RIPK2: variants seen among roughly 807,000 people sequenced by gnomAD.
RIPK2 encodes receptor-interacting serine/threonine-protein kinase 2.
A neutral mutation model predicts 60.9 loss-of-function variants in RIPK2; 38 were observed. The ratio of observed to expected loss-of-function variants is 0.62; its 90% CI spans 0.48 to 0.82. RIPK2 has a LOEUF of 0.82. Among genes scored for constraint, RIPK2 ranks in the 40% least tolerant of loss-of-function variants. RIPK2 has a pLI of 0.00. For missense variants in RIPK2, 518 were observed against 647.0 expected (o/e 0.80, Z 2.16); for synonymous variants, 225 against 223.4 (o/e 1.01, Z -0.06).
chr8:89,785,233 G>T (rs1586133861), intron 8 of RIPK2, among the ~76,000 whole-genome samples: 1 of 152,280 alleles, frequency 6.6e-6, no homozygotes, highest in South Asian at 2.1e-4. Flanking sequence ...CCAGAACTTT[G>T]GGAGGCCAAG....
Position 89,789,367 on chromosome 8 carries a change from A to G in RIPK2, c.1170A>G (p.Gly390=). 1 of 1,614,098 alleles carries G rather than the reference A, an allele frequency of 6.2e-7. No individual in the cohort carries two copies. Among genetic ancestry groups the G allele is most frequent in the Non-Finnish European group, 8.5e-7 (1 of 1,179,962 alleles). The change falls in exon 10 of 11, where the codon GGA becomes GGG. Residue 390 remains glycine (G), a synonymous_variant. Transcript: ENST00000220751. The part of the protein sequence containing the change: ...CYFMKLHHCP[G]NHSWDSTISG... ...TTATGAAGCTGCATCACTGTCCTGGAAATCACAGTTGGGATAGCACCATTT... is the reference window on the plus strand; with the variant it reads ...TTATGAAGCTGCATCACTGTCCTGGGAATCACAGTTGGGATAGCACCATTT...
At chr8:89,762,741 A>T in intron 1 of RIPK2, 88 bp from the exon 2 acceptor site, 1 of 668,068 alleles carries the variant, frequency 1.5e-6, no homozygotes, top group Non-Finnish European at 2.3e-6. Flanking sequence ...ATAGCTAATT[A>T]ATGAAAAAAA....
In RIPK2 at chr8:89,780,278, G is replaced by A. The variant is rs376309275; in HGVS notation, c.939+118G>A. On this transcript the variant is annotated intron_variant, in intron 7 of 10. Transcript: ENST00000220751. Reference sequence around the variant, plus strand: ...ATACTTTACACAGATATAAGCTACAGTTTTGGAGTGAGAAAATTTACCAGA... The same window carrying A: ...ATACTTTACACAGATATAAGCTACAATTTTGGAGTGAGAAAATTTACCAGA... The A allele has an allele frequency of 2.9e-4, 141 of 492,674 alleles. 1 individual carries two copies. The highest frequency in any genetic ancestry group is 2.4e-3 in the African/African-American group (118 of 49,108). The allele number at this position is 492,674 out of a possible 1,614,324, so 30.5% of individuals were successfully genotyped here. A position where few individuals can be genotyped will look rare whatever the true frequency, so the allele number is the denominator to read the frequency against.
In RIPK2 at chr8:89,790,282, C is replaced by G. The variant is rs776564323; in HGVS notation, c.1489C>G (p.Gln497Glu). ...ACAATTACTAGACACTACTGACATC[C>G]AAGGAGAAGAATTTGCCAAAGTTAT... is the stretch of plus-strand genomic sequence containing the variant. ...VRQLLDTTDIQGEEFAKVIVQ... is the reference protein window; with the variant it reads ...VRQLLDTTDIEGEEFAKVIVQ... The change falls in exon 11 of 11, where the codon CAA (glutamine) becomes GAA (glutamate). Residue 497 changes from glutamine (Q) to glutamate (E), a missense_variant. Physicochemically the swap from Gln to Glu is conservative, Grantham distance 29. Coordinates refer to ENST00000220751, the MANE Select transcript of RIPK2 (RefSeq NM_003821.6). 1.9e-6 allele frequency: 3 copies of G among 1,614,004 alleles called. No individual in the cohort carries two copies. The highest frequency in any genetic ancestry group is 1.1e-5 in the South Asian group (1 of 91,080).
At chr8:89,766,048 A>C (rs1453949731) in intron 3 of RIPK2, among the ~76,000 whole-genome samples, 1 of 151,794 alleles carries the variant, frequency 6.6e-6, no homozygotes, top group African/African-American at 2.4e-5. Flanking sequence ...TCTGCTTTCC[A>C]TCTCTTTAAT....
chr8:89,778,435 T>C (rs1222551516), intron 6 of RIPK2, among the ~76,000 whole-genome samples: 11 of 152,202 alleles, frequency 7.2e-5, no homozygotes, highest in Admixed American at 7.2e-4. Flanking sequence ...CATCACCCCC[T>C]ACAAAATCCC....
chr8:89,789,714 C>T (rs1809644128), intron 10 of RIPK2, among the ~76,000 whole-genome samples: 1 of 152,124 alleles, frequency 6.6e-6, no homozygotes, highest in Admixed American at 6.5e-5. Flanking sequence ...TAACATATTA[C>T]TAATGGTAAA....
intron 3 of RIPK2, among the ~76,000 whole-genome samples, chr8:89,765,808 A>C (rs997347562): frequency 6.6e-6 from 1 of 151,736 alleles, no homozygotes; most frequent in Admixed American, 6.6e-5. Flanking sequence ...GGAAGTTGCA[A>C]AGGTAATAAA....
rs1809660507 is a variant in RIPK2 at position 89,790,515 on chromosome 8, A to T, written c.*99A>T. 1 of 828,834 alleles carries T rather than the reference A, an allele frequency of 1.2e-6. No homozygotes were observed. The highest frequency in any genetic ancestry group is 1.7e-5 in the African/African-American group (1 of 58,036). The allele number at this position is 828,834 out of a possible 1,614,324, so 51.3% of individuals were successfully genotyped here. A position where few individuals can be genotyped will look rare whatever the true frequency, so the allele number is the denominator to read the frequency against. On this transcript the variant is annotated 3_prime_UTR_variant, in exon 11 of 11. Transcript: ENST00000220751. The stretch of plus-strand genomic sequence containing the variant: ...TAAAATCCGTGAGTATTAAAGCTTT[A>T]TTGAAGGTTCTTTGGGTAAATATTA...
At chr8:89,758,773 A>T (rs911455221) in intron 1 of RIPK2, among the ~76,000 whole-genome samples, 2 of 152,166 alleles carry the variant, frequency 1.3e-5, no homozygotes, top group East Asian at 1.9e-4. Context: ...AGTATTTATT[A>T]AAAAAAGAAC....
rs756199484 is a variant in RIPK2 at position 89,784,054 on chromosome 8, A to G, written c.944A>G (p.Gln315Arg). The G allele has an allele frequency of 3.9e-6, 6 of 1,536,900 alleles. No homozygotes were observed. Among genetic ancestry groups the G allele is most frequent in the Non-Finnish European group, 5.3e-6 (6 of 1,122,142 alleles). ...ATATTTATGTATTCATTACAGTTACAGAGTGTTTCAAGTGCCATTCACCTA... is the reference window on the plus strand; with the variant it reads ...ATATTTATGTATTCATTACAGTTACGGAGTGTTTCAAGTGCCATTCACCTA... ...AVIQLKKTKL[Q>R]SVSSAIHLCD... Residue 315 changes from glutamine to arginine, a missense_variant, in exon 8 of 11, where the codon CAG becomes CGG. Coordinates refer to ENST00000220751, the MANE Select transcript of RIPK2 (RefSeq NM_003821.6).
At chr8:89,760,844 A>T (rs1252524315) in intron 1 of RIPK2, among the ~76,000 whole-genome samples, 1 of 151,690 alleles carries the variant, frequency 6.6e-6, no homozygotes, top group Non-Finnish European at 1.5e-5. Context: ...GTGAAGTGTC[A>T]CTGAGACTTC....
intron 7 of RIPK2, 39 bp from the exon 8 acceptor site, chr8:89,784,011 T>C: frequency 9.3e-7 from 1 of 1,072,504 alleles, no homozygotes; most frequent in Non-Finnish European, 1.4e-6. Flanking sequence ...CCTAATCATC[T>C]CCAGTTAAAG....
In RIPK2 at chr8:89,790,353, C is replaced by G; in HGVS notation, c.1560C>G (p.Tyr520Ter). ...KDNKQMGLQP[Y>*]PEILVVSRSP... ...ACAAACAAATGGGTCTTCAGCCTTA[C>G]CCGGAAATACTTGTGGTTTCTAGAT... Residue 520 changes from tyrosine to a stop codon, truncating the protein, a stop_gained, in exon 11 of 11, where the codon TAC becomes TAG. Coordinates refer to ENST00000220751, the MANE Select transcript of RIPK2 (RefSeq NM_003821.6). LOFTEE classifies it high-confidence loss of function. The G allele has an allele frequency of 6.2e-7, 1 of 1,612,928 alleles. No individual in the cohort carries two copies. The highest frequency in any genetic ancestry group is 8.5e-7 in the Non-Finnish European group (1 of 1,179,528).
chr8:89,773,203 A>G (rs1809342458), intron 6 of RIPK2, among the ~76,000 whole-genome samples: 1 of 152,158 alleles, frequency 6.6e-6, no homozygotes, highest in Admixed American at 6.6e-5. Context: ...ATAAATAAGC[A>G]AGATACACAA....
chr8:89,765,548 A>C (rs1439353742), intron 3 of RIPK2, 52 bp downstream of exon 3: 5 of 1,279,496 alleles, frequency 3.9e-6, no homozygotes, highest in Non-Finnish European at 5.5e-6. Context: ...AGTTTTAAAA[A>C]TACTTTTTAG....
In RIPK2 at chr8:89,781,663, G is replaced by A. The variant is rs1413318994; in HGVS notation, c.939+1503G>A. 2.0e-5 allele frequency among the ~76,000 whole-genome samples: 3 copies of A among 152,254 alleles called. No individual in the cohort carries two copies. The East Asian group carries it at 5.8e-4, about 29-fold the overall frequency. ...TTGTAGATAAGATAACTAAGGTACA[G>A]TAGTCTTCCCTTATGCATGGGAGAT... On this transcript the variant is annotated intron_variant, in intron 7 of 10. Coordinates refer to ENST00000220751, the MANE Select transcript of RIPK2 (RefSeq NM_003821.6).
Position 89,772,736 on chromosome 8 carries a change from G to T in RIPK2, c.761G>T (p.Ser254Ile), listed in dbSNP as rs1271675858. The T allele has an allele frequency of 1.2e-6, 2 of 1,611,996 alleles. No individual in the cohort carries two copies. The highest frequency in any genetic ancestry group is 3.3e-5 in the Admixed American group (2 of 59,862). The change falls in exon 6 of 11, where the codon AGT (serine) becomes ATT (isoleucine). Residue 254 changes from serine (S) to isoleucine (I), a missense_variant. Transcript: ENST00000220751. The part of the protein sequence containing the change: ...QGHRPVINEE[S>I]LPYDIPHRAR... The stretch of plus-strand genomic sequence containing the variant: ...CATCGACCTGTTATTAATGAAGAAA[G>T]TTTGCCATATGATATACCTCACCGA...
intron 3 of RIPK2, among the ~76,000 whole-genome samples, chr8:89,767,396 A>T (rs1381455280): frequency 1.3e-5 from 2 of 151,784 alleles, no homozygotes; most frequent in African/African-American, 4.8e-5. Context: ...AGAAGTTGAA[A>T]CAACAGGGAA....
Sources: gnomAD v4.1 joint callset for allele counts (sites outside exome capture counted in the v4.1 genomes callset) on GRCh38, gnomAD v4.1.1 for gene constraint, MANE v1.5 for transcripts, NCBI Gene and HGNC (gene_info 2026-07-23, HGNC 2026-07-21) for gene names.